ADGRL3: variants seen among roughly 807,000 people sequenced by gnomAD.
The protein encoded by ADGRL3 is calcium-independent alpha-latrotoxin receptor 3.
In ADGRL3, 62 loss-of-function variants were observed where a neutral mutation model predicts 153.5. That is an observed-to-expected ratio of 0.40 (90% CI 0.33 to 0.50). The LOEUF is 0.50. Among genes scored for constraint, ADGRL3 ranks in the 20% least tolerant of loss-of-function variants. The probability of loss-of-function intolerance (pLI) is 0.47; values close to 1 mark genes in which losing one functional copy is unlikely to be tolerated. For missense variants in ADGRL3, 1,641 were observed against 1,859.4 expected, an observed-to-expected ratio of 0.88 and a Z score of 2.16; for synonymous variants, 710 against 672.5, an observed-to-expected ratio of 1.06 and a Z score of -0.86.
At chr4:61,535,980 G>A (rs942284580) in intron 4 of ADGRL3, among the ~76,000 whole-genome samples, 2 of 152,026 alleles carry the variant, frequency 1.3e-5, no homozygotes, top group African/African-American at 4.8e-5. Flanking sequence ...TCCTTTGGGT[G>A]TGATATTAGG....
intron 6 of ADGRL3, among the ~76,000 whole-genome samples, chr4:61,724,872 G>A (rs1423456056): frequency 6.6e-6 from 1 of 152,170 alleles, no homozygotes; most frequent in Non-Finnish European, 1.5e-5. Context: ...AGGGAGACAT[G>A]AGTTATTCAG....
In ADGRL3 at chr4:62,070,588, A is replaced by G; in HGVS notation, c.4312A>G (p.Asn1438Asp). 6.4e-7 allele frequency: 1 copy of G among 1,551,638 alleles called. No homozygotes were observed. Among genetic ancestry groups the G allele is most frequent in the South Asian group, 1.2e-5 (1 of 84,032 alleles). ...TGAGAGCTTTTTCCCTTTGCTAACC[A>G]ACGAGCACACAGAAGATCTCCAGTC... ...HSESFFPLLT[N>D]EHTEDLQSPH... The change falls in exon 27 of 27, where the codon AAC (asparagine) becomes GAC (aspartate). Residue 1438 changes from asparagine to aspartate, a missense_variant. Around this residue, in one of 5 missense-constraint regions of ADGRL3, gnomAD observed 517 missense variants for 555.0 expected, o/e 0.93. Transcript: ENST00000683033.
chr4:61,635,522 A>G (rs1486032597), intron 5 of ADGRL3, among the ~76,000 whole-genome samples: 1 of 152,162 alleles, frequency 6.6e-6, no homozygotes, highest in Non-Finnish European at 1.5e-5. Context: ...ATCCGAGGAC[A>G]GCACACAAGA....
chr4:62,012,216 G>A (rs2099189831), intron 21 of ADGRL3, among the ~76,000 whole-genome samples: 1 of 152,080 alleles, frequency 6.6e-6, no homozygotes, highest in South Asian at 2.1e-4. Flanking sequence ...TGTATTTTGA[G>A]TCACATACTC....
intron 24 of ADGRL3, among the ~76,000 whole-genome samples, chr4:62,042,037 A>C (rs190648322): frequency 6.0e-4 from 92 of 152,164 alleles, no homozygotes; most frequent in Admixed American, 2.6e-3. Flanking sequence ...TTGATGGGTG[A>C]ATATAGGAAA....
chr4:61,410,788 C>G (rs1358205366), intron 2 of ADGRL3, among the ~76,000 whole-genome samples: 1 of 152,188 alleles, frequency 6.6e-6, no homozygotes, highest in African/African-American at 2.4e-5. Context: ...GAGTCACCTC[C>G]TTGCCCCAAG....
At chr4:61,382,346 G>C (rs1346223892) in intron 1 of ADGRL3, among the ~76,000 whole-genome samples, 1 of 151,372 alleles carries the variant, frequency 6.6e-6, no homozygotes, top group Non-Finnish European at 1.5e-5. Flanking sequence ...TTTGTGTAAA[G>C]CTCTTTAAAT....
chr4:61,207,606 T>A (rs1737906990), intron 1 of ADGRL3, among the ~76,000 whole-genome samples: 1 of 152,176 alleles, frequency 6.6e-6, no homozygotes, highest in Admixed American at 6.5e-5. Context: ...TAGTTGTAGA[T>A]CCTTGAGGAA....
chr4:61,416,208 G>A (rs1403906947), intron 2 of ADGRL3, among the ~76,000 whole-genome samples: 5 of 151,722 alleles, frequency 3.3e-5, no homozygotes, highest in Admixed American at 6.6e-5. Flanking sequence ...ATTTTTACAA[G>A]CATAATAATG....
chr4:61,868,256 AT>A (rs956590538), intron 9 of ADGRL3, among the ~76,000 whole-genome samples: 81 of 151,722 alleles, frequency 5.3e-4, no homozygotes, highest in African/African-American at 1.8e-3. Flanking sequence ...GTTTCTGTAG[AT>A]TTTTTTTTCC....
chr4:61,767,203 A>G (rs188089060), intron 8 of ADGRL3, among the ~76,000 whole-genome samples: 1,603 of 151,990 alleles, frequency 0.011, 26 homozygotes, highest in Admixed American at 0.038. Flanking sequence ...GAAGAAGAGC[A>G]GCAATGAGAT....
intron 8 of ADGRL3, 48 bp downstream of exon 8, chr4:61,733,602 G>A: frequency 7.7e-7 from 1 of 1,306,472 alleles, no homozygotes; most frequent in Non-Finnish European, 1.1e-6. Flanking sequence ...TTTACTGTTT[G>A]TTCTCAGCAA....
At position 62,051,174 on chromosome 4, in the gene ADGRL3, A is replaced by G. The variant is rs980187943; in HGVS notation, c.3814+6625A>G. 3.2e-3 allele frequency among the ~76,000 whole-genome samples: 458 copies of G among 145,152 alleles called. 3 individuals carry two copies. The highest frequency in any genetic ancestry group is 4.5e-3 in the Non-Finnish European group (301 of 66,526). ...AAAGAACGTGTGTGTGTGTGTATAT[A>G]TATATATATATATATACATACATAC... On this transcript the variant is annotated intron_variant, in intron 25 of 26. Coordinates refer to ENST00000683033, the MANE Select transcript of ADGRL3 (RefSeq NM_001387552.1).
intron 2 of ADGRL3, among the ~76,000 whole-genome samples, chr4:61,476,147 T>G (rs1235071210): frequency 6.6e-6 from 1 of 152,218 alleles, no homozygotes; most frequent in South Asian, 2.1e-4. Context: ...AATTATTCTT[T>G]CTACTGTTTC....
At chr4:61,597,812 T>C (rs1027914495) in intron 5 of ADGRL3, among the ~76,000 whole-genome samples, 3 of 152,108 alleles carry the variant, frequency 2.0e-5, no homozygotes, top group Non-Finnish European at 4.4e-5. Context: ...ACTTAGACAC[T>C]CATTTTTATC....
chr4:61,563,312 A>C (rs1020208682), intron 4 of ADGRL3, among the ~76,000 whole-genome samples: 8 of 152,172 alleles, frequency 5.3e-5, no homozygotes, highest in Non-Finnish European at 8.8e-5. Flanking sequence ...TAAAATATTC[A>C]GTAAACCATA....
intron 19 of ADGRL3, among the ~76,000 whole-genome samples, chr4:61,994,897 T>G (rs1272538257): frequency 6.6e-6 from 1 of 151,936 alleles, no homozygotes; most frequent in Non-Finnish European, 1.5e-5. Flanking sequence ...CCCGTACTTT[T>G]TTACTCAACT....
chr4:61,740,997 A>G (rs59505260), intron 8 of ADGRL3, among the ~76,000 whole-genome samples: 13,221 of 152,248 alleles, frequency 0.087, 1,218 homozygotes, highest in African/African-American at 0.23. Context: ...GTGCATTTGT[A>G]TCTCCAGTAA....
At chr4:61,558,173 C>CAA (rs1553963092) in intron 4 of ADGRL3, among the ~76,000 whole-genome samples, 8 of 129,034 alleles carry the variant, frequency 6.2e-5, no homozygotes, top group African/African-American at 2.4e-4. Context: ...ATGTAGGAAT[C>CAA]ATATATATAT....
Sources: gnomAD v4.1 joint callset for allele counts (sites outside exome capture counted in the v4.1 genomes callset) on GRCh38, gnomAD v4.1.1 for gene constraint, gnomAD v4.1.1 regional missense constraint, MANE v1.5 for transcripts, NCBI Gene and HGNC (gene_info 2026-07-23, HGNC 2026-07-21) for gene names.